TEX9: variants seen among roughly 807,000 people sequenced by gnomAD.
TEX9 encodes testis-expressed protein 9.
TEX9 carries 74 observed loss-of-function variants against 59.6 expected under a neutral mutation model. The observed-to-expected ratio is 1.24, with a 90% CI of 1.03 to 1.51. The LOEUF (loss-of-function observed/expected upper bound fraction) is 1.51. TEX9 is among the 40% of genes most tolerant of loss of function. The probability of loss-of-function intolerance (pLI) is 0.00; values close to 1 mark genes in which losing one functional copy is unlikely to be tolerated. For missense variants in TEX9, 522 were observed against 447.8 expected, an observed-to-expected ratio of 1.17 and a Z score of -1.49; for synonymous variants, 186 against 152.2, an observed-to-expected ratio of 1.22 and a Z score of -1.64.
intron 6 of TEX9, among the ~76,000 whole-genome samples, chr15:56,389,696 T>G (rs371584863): frequency 3.0e-5 from 2 of 66,640 alleles, no homozygotes; most frequent in Non-Finnish European, 9.7e-5. Flanking sequence ...TACAACTGGG[T>G]TTTTTTTTTA....
chr15:56,261,729 T>C (rs2044274105), intron 1 of TEX9, among the ~76,000 whole-genome samples: 1 of 151,094 alleles, frequency 6.6e-6, no homozygotes, highest in Admixed American at 6.6e-5. Context: ...AAAAAAAAAA[T>C]TATTAACTGT....
intron 1 of TEX9, among the ~76,000 whole-genome samples, chr15:56,267,985 C>T (rs1212713690): frequency 3.3e-5 from 5 of 151,486 alleles, no homozygotes; most frequent in Admixed American, 6.6e-5. Context: ...CCATTTGTTT[C>T]CTCTTTTATT....
chr15:56,364,406 G>A (rs2046854474), upstream of TEX9, among the ~76,000 whole-genome samples: 1 of 151,022 alleles, frequency 6.6e-6, no homozygotes, highest in Admixed American at 6.6e-5. Flanking sequence ...ACCCGCCTTG[G>A]CCTCCCAAAG....
At chr15:56,388,038 T>C (rs1428770000) in intron 4 of TEX9, among the ~76,000 whole-genome samples, 1 of 151,992 alleles carries the variant, frequency 6.6e-6, no homozygotes, top group African/African-American at 2.4e-5. Flanking sequence ...GCAGACGTGA[T>C]TTCTACCCTC....
At chr15:56,343,894 A>G (rs1278238462) in intron 1 of TEX9, among the ~76,000 whole-genome samples, 1 of 152,212 alleles carries the variant, frequency 6.6e-6, no homozygotes, top group African/African-American at 2.4e-5. Context: ...AAACGTAAAA[A>G]TGGACAATAA....
intron 12 of TEX9, chr15:56,431,526 C>A: frequency 6.2e-7 from 1 of 1,611,922 alleles, no homozygotes; most frequent in South Asian, 1.1e-5. Context: ...ATTTTGTTAT[C>A]ACAAAGTACA....
chr15:56,397,935 A>C (rs561909356), intron 9 of TEX9: 62 of 153,858 alleles, frequency 4.0e-4, no homozygotes, highest in African/African-American at 1.5e-3. Context: ...TAAATTGCCC[A>C]GTCTTGGGTA....
chr15:56,353,934 G>A (rs966169909), intron 1 of TEX9, among the ~76,000 whole-genome samples: 4 of 152,040 alleles, frequency 2.6e-5, no homozygotes, highest in African/African-American at 9.7e-5. Context: ...CCTTTTTCCA[G>A]TCTGCCTATT....
At chr15:56,290,204 G>A (rs536930209) in intron 1 of TEX9, among the ~76,000 whole-genome samples, 1 of 152,204 alleles carries the variant, frequency 6.6e-6, no homozygotes, top group South Asian at 2.1e-4. Flanking sequence ...TGCTTCTTGT[G>A]TGTCTGTTGG....
chr15:56,444,416 A>T (rs372539931), intron 12 of TEX9: 78 of 1,569,628 alleles, frequency 5.0e-5, no homozygotes, highest in Non-Finnish European at 6.1e-5. Context: ...AAACATTTAG[A>T]CATGTAAGAA....
rs537611328 is a variant in TEX9 at position 56,268,246 on chromosome 15, A to T, written c.-107+23968A>T. ...TGGGCTGAGATGATGGGATTTTCTA[A>T]ATATACAATCATGTCATCTGCAAAC... On this transcript the variant is annotated intron_variant, in intron 1 of 5. Transcript: ENST00000560827. Among the ~76,000 whole-genome samples the T allele has an allele frequency of 5.7e-3, 872 of 152,218 alleles. 6 individuals are homozygous for T. The highest frequency in any genetic ancestry group is 0.02 in the African/African-American group (823 of 41,532).
chr15:56,427,583 G>T (rs1379779275), intron 10 of TEX9, 22 bp from the exon 11 acceptor site: 3 of 1,447,976 alleles, frequency 2.1e-6, no homozygotes, highest in East Asian at 5.1e-5. Context: ...AAAATATATG[G>T]CACTTTTTTT....
intron 1 of TEX9, among the ~76,000 whole-genome samples, chr15:56,244,628 T>C (rs1308354820): frequency 3.9e-4 from 23 of 59,326 alleles, no homozygotes; most frequent in African/African-American, 1.5e-3. Flanking sequence ...TTTATACCGC[T>C]CCCAATTCCA....
chr15:56,337,316 A>G (rs1375649983), intron 1 of TEX9, among the ~76,000 whole-genome samples: 1 of 152,200 alleles, frequency 6.6e-6, no homozygotes, highest in African/African-American at 2.4e-5. Flanking sequence ...CTGACCCTCT[A>G]GTTACCACAT....
At chr15:56,408,280 C>A (rs1454066310) in intron 9 of TEX9, among the ~76,000 whole-genome samples, 1 of 152,176 alleles carries the variant, frequency 6.6e-6, no homozygotes, top group African/African-American at 2.4e-5. Flanking sequence ...TAGTTGTGGT[C>A]CATTGTACTT....
chr15:56,358,559 T>C (rs1194699285), intron 1 of TEX9, among the ~76,000 whole-genome samples: 3 of 152,202 alleles, frequency 2.0e-5, no homozygotes, highest in Non-Finnish European at 4.4e-5. Context: ...CTTACATTAA[T>C]ATGGTTAAAT....
In TEX9 at chr15:56,351,509, A is replaced by G. The variant is rs919309563; in HGVS notation, c.-106-21932A>G. Among the ~76,000 whole-genome samples, 8 of 152,310 alleles carry G rather than the reference A, an allele frequency of 5.3e-5. No homozygotes were observed. The East Asian group carries it at 1.5e-3, about 29-fold the overall frequency. ...CACATGCAGAGGACTGAAACCACCC[A>G]AGAGCTCGAGTGCAGCCAGTGTGGC... On this transcript the variant is annotated intron_variant, in intron 1 of 5. Coordinates refer to the TEX9 transcript ENST00000560827.
chr15:56,292,476 A>C (rs1410285158), intron 1 of TEX9, among the ~76,000 whole-genome samples: 1 of 152,178 alleles, frequency 6.6e-6, no homozygotes, highest in African/African-American at 2.4e-5. Context: ...AACACTATAC[A>C]GGCAAAAATA....
chr15:56,316,598 T>G (rs1236759701), intron 1 of TEX9, among the ~76,000 whole-genome samples: 9 of 152,056 alleles, frequency 5.9e-5, no homozygotes, highest in African/African-American at 2.2e-4. Context: ...TACTGCTGTC[T>G]TTTTGTTTGT....
Sources: allele counts gnomAD v4.1 joint callset (sites outside exome capture counted in the v4.1 genomes callset), GRCh38; gene constraint gnomAD v4.1.1; transcripts MANE v1.5; gene names NCBI Gene and HGNC (gene_info 2026-07-23, HGNC 2026-07-21).